RANBP2: variants seen among roughly 807,000 people sequenced by gnomAD.
RANBP2 encodes E3 SUMO-protein ligase RanBP2.
A neutral mutation model predicts 303.6 loss-of-function variants in RANBP2; 57 were observed. That is an observed-to-expected ratio of 0.19 (90% CI 0.15 to 0.23). The LOEUF (loss-of-function observed/expected upper bound fraction) is 0.23. Among genes scored for constraint, RANBP2 ranks in the 10% least tolerant of loss-of-function variants. RANBP2 has a pLI of 1.00. For synonymous variants in RANBP2, 1,167 were observed against 1,301.5 expected, an observed-to-expected ratio of 0.90 and a Z score of 2.23; for missense variants, 3,138 against 3,780.8, an observed-to-expected ratio of 0.83 and a Z score of 4.46.
the RANBP2 span, chr2:108,804,898 G>A: frequency 6.4e-7 from 1 of 1,553,520 alleles, no homozygotes; most frequent in East Asian, 2.3e-5. Context: ...GCAGCATGAT[G>A]CAGAAGTTGA....
intron 7 of RANBP2, among the ~76,000 whole-genome samples, chr2:108,743,592 A>G (rs2949972): frequency 2.0e-5 from 3 of 152,200 alleles, no homozygotes; most frequent in South Asian, 2.1e-4. Context: ...AACTTTTAAT[A>G]ATAAAAAGTT....
chr2:109,550,602 C>T, the RANBP2 span, among the ~76,000 whole-genome samples: 1 of 152,228 alleles, frequency 6.6e-6, no homozygotes, highest in Non-Finnish European at 1.5e-5. Flanking sequence ...GCGTGAGCCA[C>T]CACGCCCGGC....
chr2:109,075,732 A>G, the RANBP2 span, among the ~76,000 whole-genome samples: 3 of 150,606 alleles, frequency 2.0e-5, 1 homozygote, highest in Non-Finnish European at 3.0e-5. Context: ...GAAGAAATGG[A>G]TAAATTCCTA....
chr2:109,009,968 T>C, the RANBP2 span, among the ~76,000 whole-genome samples: 13 of 152,328 alleles, frequency 8.5e-5, no homozygotes, highest in Non-Finnish European at 1.9e-4. Context: ...TCCCATGCCA[T>C]GATAGTCCTT....
the RANBP2 span, among the ~76,000 whole-genome samples, chr2:109,569,570 TTCTG>T: frequency 6.6e-6 from 1 of 152,160 alleles, no homozygotes; most frequent in African/African-American, 2.4e-5. Flanking sequence ...GAGAAATTTT[TTCTG>T]TCTATGAAAT....
At chr2:109,088,289 C>T in the RANBP2 span, among the ~76,000 whole-genome samples, 1 of 149,868 alleles carries the variant, frequency 6.7e-6, no homozygotes, top group Non-Finnish European at 1.5e-5. Flanking sequence ...TCCAGCTACT[C>T]AGGAGGCTGA....
the RANBP2 span, among the ~76,000 whole-genome samples, chr2:109,242,319 G>A: frequency 2.0e-5 from 3 of 152,224 alleles, no homozygotes; most frequent in African/African-American, 7.2e-5. Context: ...AGGCCTGGGA[G>A]TCTAGAAGCT....
the RANBP2 span, among the ~76,000 whole-genome samples, chr2:109,687,593 A>G: frequency 1.3e-4 from 19 of 150,368 alleles, no homozygotes; most frequent in Non-Finnish European, 2.5e-4. Flanking sequence ...CGACCACAGT[A>G]CATTTACTGT....
the RANBP2 span, among the ~76,000 whole-genome samples, chr2:109,199,627 T>TCAACGCGA: frequency 0.011 from 1 of 94 alleles, no homozygotes; most frequent in African/African-American, 0.036. Flanking sequence ...TGGAATGGAA[T>TCAACGCGA]GGAATGGAAT....
the RANBP2 span, among the ~76,000 whole-genome samples, chr2:109,253,117 T>G: frequency 2.9e-3 from 444 of 152,282 alleles, 3 homozygotes; most frequent in African/African-American, 0.01. Context: ...AACCTCCACC[T>G]CACGAGTTCA....
At chr2:109,259,419 T>C in the RANBP2 span, among the ~76,000 whole-genome samples, 1 of 152,200 alleles carries the variant, frequency 6.6e-6, no homozygotes, top group Non-Finnish European at 1.5e-5. Flanking sequence ...TCTACTCTGT[T>C]GTGATTTCTG....
At chr2:109,157,376 C>T in the RANBP2 span, among the ~76,000 whole-genome samples, 6 of 152,194 alleles carry the variant, frequency 3.9e-5, no homozygotes, top group South Asian at 2.1e-4. Context: ...TAGACTCCCA[C>T]GTGCCATCCA....
At chr2:109,652,019 A>G in the RANBP2 span, among the ~76,000 whole-genome samples, 2 of 152,166 alleles carry the variant, frequency 1.3e-5, no homozygotes, top group African/African-American at 4.8e-5. Flanking sequence ...ACAGGGGCCA[A>G]TGCTTCCTCC....
chr2:109,532,966 C>G, the RANBP2 span, among the ~76,000 whole-genome samples: 3 of 152,116 alleles, frequency 2.0e-5, no homozygotes, highest in Non-Finnish European at 4.4e-5. Flanking sequence ...CAGGTGCATG[C>G]TTGGCCCTGG....
chr2:109,333,100 G>A, the RANBP2 span, among the ~76,000 whole-genome samples: 13 of 152,354 alleles, frequency 8.5e-5, no homozygotes, highest in African/African-American at 2.2e-4. Flanking sequence ...GCCTCAGTGC[G>A]TTCCAGGAGA....
chr2:108,755,826 C>T (rs1376295344), intron 17 of RANBP2, among the ~76,000 whole-genome samples: 14 of 151,440 alleles, frequency 9.2e-5, no homozygotes, highest in African/African-American at 2.9e-4. Flanking sequence ...CAGGTTCAAG[C>T]GACTCTCCTG....
At chr2:109,512,252 C>G in the RANBP2 span, among the ~76,000 whole-genome samples, 1 of 152,062 alleles carries the variant, frequency 6.6e-6, no homozygotes, top group African/African-American at 2.4e-5. Context: ...GCCTTGGTGA[C>G]TGACGTGTGG....
the RANBP2 span, among the ~76,000 whole-genome samples, chr2:109,742,826 G>T: frequency 6.8e-6 from 1 of 148,140 alleles, no homozygotes; most frequent in East Asian, 1.9e-4. Context: ...AGGACAATGT[G>T]GTATTAGCAG....
At chr2:109,509,849 A>G in the RANBP2 span, among the ~76,000 whole-genome samples, 1 of 152,178 alleles carries the variant, frequency 6.6e-6, no homozygotes, top group African/African-American at 2.4e-5. Context: ...AATTCAGCCC[A>G]TGTGCCTGTG....
Sources: gnomAD v4.1 joint callset for allele counts (sites outside exome capture counted in the v4.1 genomes callset) on GRCh38, gnomAD v4.1.1 for gene constraint, MANE v1.5 for transcripts, NCBI Gene and HGNC (gene_info 2026-07-23, HGNC 2026-07-21) for gene names.